GPR15LG: variants seen among roughly 807,000 people sequenced by gnomAD.
GPR15LG encodes G protein-coupled receptor 15 ligand.
At chr10:84,176,488 C>G in the GPR15LG span, 5 of 1,612,592 alleles carry the variant, frequency 3.1e-6, no homozygotes, top group Admixed American at 1.7e-5. Context: ...AGGGAAGAGG[C>G]GTCCTGCCAA....
At chr10:84,176,381 T>C in the GPR15LG span, 1 of 861,120 alleles carries the variant, frequency 1.2e-6, no homozygotes. Context: ...CCTGAGTTTC[T>C]CTGGATAAAT....
the GPR15LG span, among the ~76,000 whole-genome samples, chr10:84,175,089 T>C: frequency 6.6e-6 from 1 of 152,238 alleles, no homozygotes; most frequent in African/African-American, 2.4e-5. Context: ...ATTGTTATAA[T>C]CACCCAAAAT....
At chr10:84,176,609 T>TGGGAC in the GPR15LG span, 64 of 1,463,860 alleles carry the variant, frequency 4.4e-5, no homozygotes, top group African/African-American at 6.9e-4. Flanking sequence ...GGGCAGAAGT[T>TGGGAC]CTACAGTGGC....
the GPR15LG span, among the ~76,000 whole-genome samples, chr10:84,175,996 C>G: frequency 6.6e-6 from 1 of 152,094 alleles, no homozygotes; most frequent in Non-Finnish European, 1.5e-5. Context: ...TCAAGTGATT[C>G]TCCTGCCTCA....
chr10:84,180,394 TACACCTCCC>T, the GPR15LG span, among the ~76,000 whole-genome samples: 1 of 152,118 alleles, frequency 6.6e-6, no homozygotes, highest in Non-Finnish European at 1.5e-5. Context: ...AGCTGTTGGG[TACACCTCCC>T]AGACGGGGTG....
At chr10:84,176,586 C>T in the GPR15LG span, 130,552 of 1,589,292 alleles carry the variant, frequency 0.082, 6,089 homozygotes, top group African/African-American at 0.16. Flanking sequence ...ACCCCCACCT[C>T]GTCCAGACTG....
At chr10:84,174,052 G>C in the GPR15LG span, 1 of 722,620 alleles carries the variant, frequency 1.4e-6, no homozygotes, top group South Asian at 1.6e-5. Context: ...CGGAAAGATG[G>C]GCTCTTTCTC....
At chr10:84,183,465 T>A in the GPR15LG span, among the ~76,000 whole-genome samples, 5 of 152,228 alleles carry the variant, frequency 3.3e-5, no homozygotes, top group Admixed American at 6.5e-5. Flanking sequence ...TCCTTTGTTT[T>A]TCGTACAAAC....
the GPR15LG span, chr10:84,184,557 A>AT: frequency 2.7e-5 from 25 of 924,694 alleles, no homozygotes; most frequent in South Asian, 4.3e-5. Context: ...TTGCTTTGAA[A>AT]TTTTTTTTTA....
chr10:84,181,918 G>A, the GPR15LG span, among the ~76,000 whole-genome samples: 509 of 152,300 alleles, frequency 3.3e-3, no homozygotes, highest in African/African-American at 0.011. Flanking sequence ...ACGCATCCTG[G>A]GGCCACGGTG....
the GPR15LG span, among the ~76,000 whole-genome samples, chr10:84,180,719 G>A: frequency 6.6e-6 from 1 of 152,240 alleles, no homozygotes; most frequent in African/African-American, 2.4e-5. Context: ...TCAGCACTTT[G>A]GGAGGCCAAG....
the GPR15LG span, among the ~76,000 whole-genome samples, chr10:84,174,292 T>G: frequency 6.6e-6 from 1 of 152,154 alleles, no homozygotes; most frequent in Admixed American, 6.5e-5. Context: ...AAATTAGTGT[T>G]GGGCAAATGA....
chr10:84,173,931 C>T, the GPR15LG span: 1 of 1,595,612 alleles, frequency 6.3e-7, no homozygotes, highest in Non-Finnish European at 8.6e-7. Flanking sequence ...GGTAGGGCAG[C>T]CCCCAGGGTG....
the GPR15LG span, chr10:84,185,242 G>C: frequency 1.0e-5 from 2 of 192,868 alleles, no homozygotes; most frequent in African/African-American, 4.8e-5. Flanking sequence ...CTGCTGGAAA[G>C]AGCATCCAAA....
chr10:84,181,568 C>T, the GPR15LG span, among the ~76,000 whole-genome samples: 1 of 152,144 alleles, frequency 6.6e-6, no homozygotes, highest in Non-Finnish European at 1.5e-5. Context: ...ACTACAGATG[C>T]GTGCCATCAC....
chr10:84,176,361 C>T, the GPR15LG span: 9 of 758,492 alleles, frequency 1.2e-5, no homozygotes, highest in Non-Finnish European at 2.1e-5. Flanking sequence ...CCTCTCGTAG[C>T]CTGGCTCATC....
At chr10:84,173,872 C>T in the GPR15LG span, 6 of 1,613,824 alleles carry the variant, frequency 3.7e-6, no homozygotes, top group Non-Finnish European at 5.1e-6. Flanking sequence ...TAGTCCTTTC[C>T]AGCCTGCTCT....
chr10:84,182,126 G>A, the GPR15LG span, among the ~76,000 whole-genome samples: 1 of 152,230 alleles, frequency 6.6e-6, no homozygotes, highest in Admixed American at 6.5e-5. Context: ...TCAGGAAGGA[G>A]CTCGGACTGC....
chr10:84,183,040 A>G, the GPR15LG span, among the ~76,000 whole-genome samples: 7 of 152,078 alleles, frequency 4.6e-5, no homozygotes, highest in African/African-American at 1.7e-4. Flanking sequence ...AAAAAAACAG[A>G]AAAACACACC....
Sources: gnomAD v4.1 joint callset for allele counts (sites outside exome capture counted in the v4.1 genomes callset) on GRCh38, gnomAD v4.1.1 for gene constraint, MANE v1.5 for transcripts, NCBI Gene and HGNC (gene_info 2026-07-23, HGNC 2026-07-21) for gene names.